BSN: variants seen among roughly 807,000 people sequenced by gnomAD.
The protein encoded by BSN is protein bassoon.
BSN carries 57 observed loss-of-function variants against 264.8 expected under a neutral mutation model. That is an observed-to-expected ratio of 0.22 (90% CI 0.17 to 0.27). The LOEUF (loss-of-function observed/expected upper bound fraction) is 0.27, where lower values mean the gene tolerates loss of function less well. Among genes scored for constraint, BSN ranks in the 10% least tolerant of loss-of-function variants. The pLI is 1.00. For missense variants in BSN, 4,615 were observed against 5,232.5 expected (o/e 0.88, Z 3.64); for synonymous variants, 2,059 against 2,137.3 (o/e 0.96, Z 1.01).
At position 49,654,186 on chromosome 3, in the gene BSN, C is replaced by T. The variant is rs369490566; in HGVS notation, c.4630C>T (p.Arg1544Cys). ...TQTPHRPSTP[R>C]LVWQESSQEA... ...AACACCACATCGACCCAGCACGCCTCGCCTGGTGTGGCAGGAGTCCTCTCA... is the reference window on the plus strand; with the variant it reads ...AACACCACATCGACCCAGCACGCCTTGCCTGGTGTGGCAGGAGTCCTCTCA... The change falls in exon 5 of 12, where the codon CGC becomes TGC. Residue 1544 changes from arginine to cysteine, a missense_variant. Coordinates refer to ENST00000296452, the MANE Select transcript of BSN (RefSeq NM_003458.4). This position sits in a 1 kb window ranked among gnomAD's most constrained non-coding sequence, Gnocchi z 4.1. The T allele has an allele frequency of 3.5e-4, 570 of 1,614,064 alleles. 8 individuals carry two copies. In the South Asian group the frequency reaches 5.7e-3, roughly 16 times the overall value.
At chr3:49,615,133 A>G (rs2052249686) in intron 1 of BSN, among the ~76,000 whole-genome samples, 1 of 152,182 alleles carries the variant, frequency 6.6e-6, no homozygotes, top group Non-Finnish European at 1.5e-5. Flanking sequence ...CACTGCCTTA[A>G]ACATGTTCTC....
intron 1 of BSN, among the ~76,000 whole-genome samples, chr3:49,580,783 G>A (rs1397416175): frequency 6.6e-6 from 1 of 152,030 alleles, no homozygotes; most frequent in Non-Finnish European, 1.5e-5. Context: ...TTTAAAAATG[G>A]TGATAAAATA....
chr3:49,652,324 C>T lies in BSN; in HGVS notation c.2768C>T (p.Thr923Ile). Residue 923 changes from threonine (T) to isoleucine (I), a missense_variant, in exon 5 of 12, where the codon ACC (threonine) becomes ATC (isoleucine). Thr to Ile is a moderately conservative substitution (Grantham distance 89, BLOSUM62 -1). Around this residue, in one of 3 missense-constraint regions of BSN, gnomAD observed 1,197 missense variants for 1,348.0 expected, o/e 0.89. Coordinates refer to ENST00000296452, the MANE Select transcript of BSN (RefSeq NM_003458.4). ...GCAGAGGCTACCGATGGCAGTGGGA[C>T]CCTGCAGGGTGGGCTCCGTCGCTTC... ...GSAEATDGSG[T>I]LQGGLRRFKT... 2 of 1,600,690 alleles carry T rather than the reference C, an allele frequency of 1.2e-6. No homozygotes were observed. The highest frequency in any genetic ancestry group is 1.1e-5 in the South Asian group (1 of 89,202).
chr3:49,643,353 A>G (rs1431881294), intron 3 of BSN, among the ~76,000 whole-genome samples: 1 of 152,194 alleles, frequency 6.6e-6, no homozygotes, highest in Admixed American at 6.5e-5. Context: ...ACTTTCACTC[A>G]GAGTTGGGGG....
At chr3:49,647,067 C>T (rs1456302212) in intron 3 of BSN, among the ~76,000 whole-genome samples, 5 of 152,212 alleles carry the variant, frequency 3.3e-5, no homozygotes, top group African/African-American at 1.2e-4. Context: ...GTGTTTAGGG[C>T]CAGGCAGCTG....
chr3:49,665,545 C>T (rs1458290150), intron 11 of BSN, among the ~76,000 whole-genome samples: 5 of 152,238 alleles, frequency 3.3e-5, no homozygotes, highest in Admixed American at 6.5e-5. Context: ...GAGCCCAGCA[C>T]GGCTAACTGC....
intron 2 of BSN, among the ~76,000 whole-genome samples, chr3:49,627,255 C>T (rs1447053160): frequency 2.0e-5 from 3 of 152,200 alleles, no homozygotes; most frequent in Admixed American, 2.0e-4. Flanking sequence ...GACTTGCTTT[C>T]ACAGAACATC....
chr3:49,657,379 C>T lies in BSN; in HGVS notation c.7823C>T (p.Ala2608Val). 6.2e-7 allele frequency: 1 copy of T among 1,613,274 alleles called. No individual in the cohort carries two copies. Among genetic ancestry groups the T allele is most frequent in the Non-Finnish European group, 8.5e-7 (1 of 1,180,028 alleles). ...LSRRRRARRS[A>V]DCSVQTDDED... ...CGGCGACGCCGGGCACGGCGGAGTG[C>T]TGACTGCAGTGTGCAGACGGACGAC... The change falls in exon 5 of 12, where the codon GCT (alanine) becomes GTT (valine). Residue 2608 changes from alanine (A) to valine (V), a missense_variant. Physicochemically the swap from Ala to Val is moderately conservative, Grantham distance 64. Around this residue, in one of 3 missense-constraint regions of BSN, gnomAD observed 3,415 missense variants for 3,866.4 expected, o/e 0.88. Transcript: ENST00000296452.
chr3:49,665,999 T>C (rs1413694289), intron 11 of BSN, among the ~76,000 whole-genome samples: 2 of 152,264 alleles, frequency 1.3e-5, no homozygotes, highest in Non-Finnish European at 2.9e-5. Context: ...GCCTTGGCCC[T>C]GCCTCTGTGG....
chr3:49,608,546 C>T (rs1490958616), intron 1 of BSN, among the ~76,000 whole-genome samples: 1 of 152,142 alleles, frequency 6.6e-6, no homozygotes, highest in Non-Finnish European at 1.5e-5. Context: ...AAATTGCATT[C>T]AGGCTTGGCG....
intron 1 of BSN, among the ~76,000 whole-genome samples, chr3:49,602,835 T>C (rs943532894): frequency 6.6e-6 from 1 of 152,226 alleles, no homozygotes; most frequent in East Asian, 1.9e-4. Flanking sequence ...GTCTGTCGCA[T>C]GCTAAGAAAC....
chr3:49,587,144 T>G (rs919471054), intron 1 of BSN, among the ~76,000 whole-genome samples: 4 of 152,222 alleles, frequency 2.6e-5, no homozygotes, highest in Non-Finnish European at 5.9e-5. Context: ...AGTTAATTCC[T>G]AGGTATTTAA....
chr3:49,584,346 T>G (rs2051918144), intron 1 of BSN, among the ~76,000 whole-genome samples: 1 of 152,012 alleles, frequency 6.6e-6, no homozygotes, highest in Non-Finnish European at 1.5e-5. Context: ...CTATTTTCTA[T>G]TCTGTATTTC....
rs1189450635 is a variant in BSN, at chr3:49,650,985, C to T, written c.1892C>T (p.Ala631Val). ...CCTCCAGAGACTACCCCAACCCCTG[C>T]GACTCCTAAAGTAAAGAGTGGGGTG... ...KPPPETTPTP[A>V]TPKVKSGVRR... is the part of the protein sequence containing the mutation. Residue 631 changes from alanine to valine, a missense_variant, in exon 4 of 12, where the codon GCG becomes GTG. Physicochemically the swap from Ala to Val is moderately conservative, Grantham distance 64. This residue lies in a region of BSN where 1,197 missense variants were observed against 1,348.0 expected (regional missense o/e 0.89). Transcript: ENST00000296452. The T allele has an allele frequency of 8.1e-6, 13 of 1,613,990 alleles. No individual in the cohort carries two copies. Among genetic ancestry groups the T allele is most frequent in the Middle Eastern group, 3.3e-4 (2 of 6,080 alleles).
At position 49,661,319 on chromosome 3, in the gene BSN, C is replaced by T. The variant is rs769114830; in HGVS notation, c.9474C>T (p.Pro3158=). The change falls in exon 6 of 12, where the codon CCC becomes CCT. Residue 3158 remains proline (P), a synonymous_variant. Coordinates refer to ENST00000296452, the MANE Select transcript of BSN (RefSeq NM_003458.4). ...TSLADLEQKV[P]TNYEVIASPV... ...TAGCCGACTTGGAGCAGAAGGTGCC[C>T]ACCAACTATGAGGTGATCGCCAGCC... The T allele has an allele frequency of 2.5e-6, 4 of 1,613,950 alleles. No homozygotes were observed. The highest frequency in any genetic ancestry group is 1.7e-6 in the Non-Finnish European group (2 of 1,180,050).
At chr3:49,572,556 C>T (rs140128394) in intron 1 of BSN, among the ~76,000 whole-genome samples, 1,729 of 152,260 alleles carry the variant, frequency 0.011, 31 homozygotes, top group African/African-American at 0.04. Flanking sequence ...TTTTTTGAGA[C>T]GGTGTCTTGC....
Position 49,663,832 on chromosome 3 carries a change from C to A in BSN, c.11554C>A (p.Pro3852Thr), listed in dbSNP as rs2052687567. 1 of 1,614,008 alleles carries A rather than the reference C, an allele frequency of 6.2e-7. No homozygotes were observed. The highest frequency in any genetic ancestry group is 1.7e-5 in the Admixed American group (1 of 60,016). ...TNGSKGTAKA[P>T]QQGRAPQAQP... is the part of the protein sequence containing the mutation. ...TGGCTCTAAAGGGACAGCCAAAGCA[C>A]CGCAACAGGGGAGGGCTCCTCAGGC... The change falls in exon 8 of 12, where the codon CCG becomes ACG. Residue 3852 changes from proline (P) to threonine (T), a missense_variant. Transcript: ENST00000296452.
rs553024386 is a variant in BSN, at chr3:49,648,188, A to G, written c.1519-2424A>G. ...TAGGTCTGCTTCCTCCATCCAGACT[A>G]CCCTTCCAAGGTGACTTGCTTCATT... On this transcript the variant is annotated intron_variant, in intron 3 of 11. Coordinates refer to ENST00000296452, the MANE Select transcript of BSN (RefSeq NM_003458.4). Among the ~76,000 whole-genome samples, 6 of 152,332 alleles carry G rather than the reference A, an allele frequency of 3.9e-5. No individual in the cohort carries two copies. The South Asian group carries it at 1.2e-3, about 32-fold the overall frequency.
intron 3 of BSN, among the ~76,000 whole-genome samples, chr3:49,648,536 A>T (rs1022307658): frequency 6.6e-6 from 1 of 152,050 alleles, no homozygotes; most frequent in Admixed American, 6.5e-5. Context: ...GACATGGGGG[A>T]ATTTCCATTG....
Sources: allele counts gnomAD v4.1 joint callset (sites outside exome capture counted in the v4.1 genomes callset), GRCh38; gene constraint gnomAD v4.1.1; regional missense constraint gnomAD v4.1.1; non-coding constraint Gnocchi (gnomAD v3.1); transcripts MANE v1.5; gene names NCBI Gene and HGNC (gene_info 2026-07-23, HGNC 2026-07-21).